The following WDR11 variants were observed in gnomAD, a reference collection of about 807,000 sequenced individuals.
WDR11 encodes the protein WD repeat-containing protein 11.
WDR11 carries 83 observed loss-of-function variants against 151.2 expected under a neutral mutation model. The ratio of observed to expected loss-of-function variants is 0.55; its 90% CI spans 0.46 to 0.66. The LOEUF (loss-of-function observed/expected upper bound fraction) is 0.66. Ranked by LOEUF, WDR11 falls within the 30% of genes least tolerant of loss-of-function variation. WDR11 has a pLI of 0.00. For missense variants in WDR11, 1,301 were observed against 1,480.9 expected, an observed-to-expected ratio of 0.88 and a Z score of 1.99; for synonymous variants, 484 against 533.1, an observed-to-expected ratio of 0.91 and a Z score of 1.27.
chr10:120,895,679 A>G (rs942924393), intron 19 of WDR11, among the ~76,000 whole-genome samples: 1 of 152,208 alleles, frequency 6.6e-6, no homozygotes, highest in African/African-American at 2.4e-5. Flanking sequence ...ATATGAAATG[A>G]TACTCAACTT....
At chr10:120,862,590 C>A (rs1846180017) in intron 4 of WDR11, 145 bp from the exon 5 acceptor site, 2 of 837,760 alleles carry the variant, frequency 2.4e-6, no homozygotes, top group South Asian at 1.5e-5. Flanking sequence ...ACTTAGAGAA[C>A]ATTCCCATTA....
intron 17 of WDR11, chr10:120,889,591 A>G: frequency 2.3e-6 from 1 of 440,826 alleles, no homozygotes; most frequent in Admixed American, 3.5e-5. Flanking sequence ...CTTGGCAAGA[A>G]GGATCAGTAA....
At chr10:120,856,261 T>C (rs980579278) in intron 2 of WDR11, 3 of 152,168 alleles carry the variant, frequency 2.0e-5, no homozygotes, top group African/African-American at 7.2e-5. Context: ...TAATTTTTTT[T>C]TCTAGTAGTA....
intron 4 of WDR11, among the ~76,000 whole-genome samples, chr10:120,861,776 C>T (rs972609989): frequency 7.0e-6 from 1 of 141,906 alleles, no homozygotes; most frequent in East Asian, 2.2e-4. Flanking sequence ...CAGTATTAGG[C>T]CCATTGTTGA....
Position 120,883,876 on chromosome 10 carries a change from A to G in WDR11, c.1836A>G (p.Thr612=). The change falls in exon 14 of 29, where the codon ACA becomes ACG. Residue 612 remains threonine, a synonymous_variant. Coordinates refer to ENST00000263461, the MANE Select transcript of WDR11 (RefSeq NM_018117.12). ...LLREMSKNFP[T]ITALEWSPSH... The stretch of plus-strand genomic sequence containing the variant: ...GAGAGATGTCCAAAAACTTCCCTAC[A>G]ATAACTGCTTTGGTAAGTTACAATT... 6.2e-7 allele frequency: 1 copy of G among 1,612,266 alleles called. No individual in the cohort carries two copies. The highest frequency in any genetic ancestry group is 1.3e-5 in the African/African-American group (1 of 74,962).
In WDR11 at chr10:120,908,994, T is replaced by G. The variant is rs1333886117; in HGVS notation, c.*281T>G. The G allele has an allele frequency of 2.6e-6, 1 of 386,178 alleles. No individual in the cohort carries two copies. Among genetic ancestry groups the G allele is most frequent in the South Asian group, 3.4e-5 (1 of 29,434 alleles). The allele number at this position is 386,178 out of a possible 1,614,324, so 23.9% of individuals were successfully genotyped here. On this transcript the variant is annotated 3_prime_UTR_variant, in exon 29 of 29. Transcript: ENST00000263461. ...GAGCTTTAAGAGTCCCTGGAAATAC[T>G]TTTTAATTTTTTTAACTTAAAATTC...
intron 2 of WDR11, among the ~76,000 whole-genome samples, chr10:120,854,296 A>G (rs1000469987): frequency 6.6e-6 from 1 of 152,184 alleles, no homozygotes; most frequent in Non-Finnish European, 1.5e-5. Flanking sequence ...TCTTTTGTGC[A>G]TGACTTCTTT....
chr10:120,893,215 C>T (rs1847487346), intron 19 of WDR11, among the ~76,000 whole-genome samples: 1 of 149,196 alleles, frequency 6.7e-6, no homozygotes, highest in African/African-American at 2.5e-5. Context: ...CTTCCTGTGT[C>T]CATGTGTTCT....
In WDR11 at chr10:120,906,770, G is replaced by C; in HGVS notation, c.3438-6G>C. On this transcript the variant is annotated splice_polypyrimidine_tract_variant and splice_region_variant and intron_variant, in intron 27 of 28. Transcript: ENST00000263461. ...AGCATAACTCTTGTTTTGTTCTGTT[G>C]AGCAGCATGAGATACTTTGATAGAG... is the stretch of plus-strand genomic sequence containing the variant. The C allele has an allele frequency of 6.2e-7, 1 of 1,614,092 alleles. No homozygotes were observed. The highest frequency in any genetic ancestry group is 8.5e-7 in the Non-Finnish European group (1 of 1,180,002).
intron 9 of WDR11, among the ~76,000 whole-genome samples, chr10:120,870,102 A>G (rs1477591998): frequency 6.6e-6 from 1 of 152,060 alleles, no homozygotes; most frequent in East Asian, 1.9e-4. Context: ...TCTTTTTTTA[A>G]CCAAAGTTAT....
chr10:120,862,649 T>C, intron 4 of WDR11, 86 bp from the exon 5 acceptor site: 1 of 1,316,820 alleles, frequency 7.6e-7, no homozygotes, highest in South Asian at 1.2e-5. Flanking sequence ...AAATTATCAC[T>C]ATATTGCTCT....
intron 27 of WDR11, 81 bp from the exon 28 acceptor site, chr10:120,906,695 A>G: frequency 2.5e-6 from 4 of 1,611,970 alleles, no homozygotes; most frequent in African/African-American, 1.3e-5. Flanking sequence ...AAATGTGTAA[A>G]TGTCTTTATA....
At chr10:120,894,172 C>T (rs1847522971) in intron 19 of WDR11, among the ~76,000 whole-genome samples, 1 of 151,924 alleles carries the variant, frequency 6.6e-6, no homozygotes, top group Non-Finnish European at 1.5e-5. Context: ...GTCTTTAATC[C>T]ATCTTGAATG....
rs575254539 is a variant in WDR11, at chr10:120,870,084, G to A, written c.1295-1086G>A. On this transcript the variant is annotated intron_variant, in intron 9 of 28. Coordinates refer to ENST00000263461, the MANE Select transcript of WDR11 (RefSeq NM_018117.12). ...ATTACAGGCGTGAGCCACCACACTC[G>A]GCCTCCATCTTTTTTTAACCAAAGT... Among the ~76,000 whole-genome samples the A allele has an allele frequency of 5.0e-4, 76 of 152,178 alleles. 1 individual carries two copies. Among genetic ancestry groups the A allele is most frequent in the African/African-American group, 1.7e-3 (70 of 41,516 alleles).
chr10:120,879,348 G>A (rs3758509), intron 12 of WDR11: 47,216 of 151,880 alleles, frequency 0.31, 7,632 homozygotes, highest in East Asian at 0.42. Flanking sequence ...AATCATTCCC[G>A]TCTTTAGTCC....
At chr10:120,871,083 A>C in intron 9 of WDR11, 87 bp from the exon 10 acceptor site, 1 of 1,356,234 alleles carries the variant, frequency 7.4e-7, no homozygotes, top group Non-Finnish European at 1.0e-6. Flanking sequence ...TTAGACCTGA[A>C]GAGCATTTCT....
intron 11 of WDR11, among the ~76,000 whole-genome samples, chr10:120,874,382 T>C (rs774134977): frequency 6.6e-5 from 10 of 152,020 alleles, no homozygotes; most frequent in African/African-American, 2.4e-4. Context: ...CTCAAAATTA[T>C]TATTTTTTAT....
chr10:120,907,577 C>G (rs1393736773), intron 28 of WDR11: 4 of 150,194 alleles, frequency 2.7e-5, no homozygotes, highest in African/African-American at 9.8e-5. Context: ...CTCTCTTTCT[C>G]CCTCTTTCTC....
intron 19 of WDR11, among the ~76,000 whole-genome samples, chr10:120,893,661 T>C (rs1459700678): frequency 1.3e-5 from 2 of 151,644 alleles, no homozygotes; most frequent in East Asian, 3.9e-4. Context: ...TTTCTCCACA[T>C]CCTCTCCAGC....
Sources: allele counts gnomAD v4.1 joint callset (sites outside exome capture counted in the v4.1 genomes callset), GRCh38; gene constraint gnomAD v4.1.1; transcripts MANE v1.5; gene names NCBI Gene and HGNC (gene_info 2026-07-23, HGNC 2026-07-21).